Variants in NRG3 observed in about 807,000 individuals in gnomAD.
NRG3 encodes the protein neuregulin 3, also known as pro-neuregulin-3, membrane-bound isoform.
A neutral mutation model predicts 66.9 loss-of-function variants in NRG3; 31 were observed. That is an observed-to-expected ratio of 0.46 (90% CI 0.35 to 0.63). NRG3 has a LOEUF of 0.63. Among genes scored for constraint, NRG3 ranks in the 20% least tolerant of loss-of-function variants. The pLI is 0.00. For synonymous variants in NRG3, 393 were observed against 359.4 expected (o/e 1.09, Z -1.06); for missense variants, 910 against 878.9 (o/e 1.04, Z -0.45).
intron 3 of NRG3, among the ~76,000 whole-genome samples, chr10:82,769,407 A>C (rs1279115066): frequency 6.6e-6 from 1 of 152,104 alleles, no homozygotes; most frequent in Non-Finnish European, 1.5e-5. Context: ...TTTGTATTTT[A>C]ATGGATTCTG....
At chr10:82,393,698 C>A (rs1418412977) in intron 2 of NRG3, among the ~76,000 whole-genome samples, 1 of 152,124 alleles carries the variant, frequency 6.6e-6, no homozygotes. Flanking sequence ...CAAGAGTAGA[C>A]CTCTAGAGGA....
intron 4 of NRG3, among the ~76,000 whole-genome samples, chr10:82,935,533 C>A (rs529788245): frequency 6.6e-6 from 1 of 152,280 alleles, no homozygotes; most frequent in African/African-American, 2.4e-5. Context: ...ACATAAACAA[C>A]GCCCATGACT....
intron 1 of NRG3, among the ~76,000 whole-genome samples, chr10:82,116,024 C>A (rs1404082114): frequency 2.0e-5 from 3 of 152,082 alleles, no homozygotes; most frequent in Non-Finnish European, 4.4e-5. Context: ...TCAGCAGGCA[C>A]CTTTAACCAG....
intron 2 of NRG3, among the ~76,000 whole-genome samples, chr10:82,737,960 A>C (rs1443060047): frequency 1.3e-5 from 2 of 152,276 alleles, no homozygotes; most frequent in East Asian, 3.9e-4. Flanking sequence ...ATAAAAGAGA[A>C]AAATAGAGAG....
At chr10:82,066,657 G>T (rs1189375354) in intron 1 of NRG3, among the ~76,000 whole-genome samples, 1 of 152,122 alleles carries the variant, frequency 6.6e-6, no homozygotes, top group Non-Finnish European at 1.5e-5. Flanking sequence ...GTACTTACCT[G>T]AGTGATTCAC....
chr10:82,783,094 C>A (rs2060188590), intron 3 of NRG3, among the ~76,000 whole-genome samples: 1 of 152,150 alleles, frequency 6.6e-6, no homozygotes, highest in South Asian at 2.1e-4. Flanking sequence ...ATAAACAGAA[C>A]CAATGACAAA....
At chr10:82,049,515 C>T (rs1009376070) in intron 1 of NRG3, among the ~76,000 whole-genome samples, 9 of 152,088 alleles carry the variant, frequency 5.9e-5, no homozygotes, top group African/African-American at 2.2e-4. Context: ...CCAAAATTTT[C>T]TCTTAGCTCC....
intron 1 of NRG3, among the ~76,000 whole-genome samples, chr10:82,331,764 A>C (rs192100962): frequency 2.0e-5 from 3 of 152,326 alleles, no homozygotes; most frequent in Admixed American, 1.3e-4. Flanking sequence ...ATGGTTTTAC[A>C]TCAAGGGGAA....
At chr10:82,229,416 A>C (rs145647458) in intron 1 of NRG3, among the ~76,000 whole-genome samples, 2 of 152,354 alleles carry the variant, frequency 1.3e-5, no homozygotes, top group Non-Finnish European at 2.9e-5. Context: ...AGGAAGAAAT[A>C]TAGCAAGGAA....
intron 1 of NRG3, among the ~76,000 whole-genome samples, chr10:82,140,601 T>C (rs1469723043): frequency 1.3e-5 from 2 of 152,084 alleles, no homozygotes; most frequent in African/African-American, 4.8e-5. Context: ...GTGCAGTGAC[T>C]CACATCTTTA....
chr10:82,482,322 G>A (rs1842339836), intron 2 of NRG3, among the ~76,000 whole-genome samples: 1 of 152,172 alleles, frequency 6.6e-6, no homozygotes, highest in Non-Finnish European at 1.5e-5. Context: ...CCTGGAACAA[G>A]ATTTTTCATC....
chr10:82,890,130 T>C lies in NRG3; in HGVS notation c.1054+24693T>C, dbSNP rs1352709346. On this transcript the variant is annotated intron_variant, in intron 4 of 8. Transcript: ENST00000372141. ...GGGACTCTAGATGATCTGCTAAGTT[T>C]TTTTTTTTTTTTTTTAAGTAATGTA... Among the ~76,000 whole-genome samples, 3 of 72,482 alleles carry C rather than the reference T, an allele frequency of 4.1e-5. No individual in the cohort carries two copies. In the Admixed American group the frequency reaches 5.2e-4, roughly 13 times the overall value. 47.6% of individuals were successfully genotyped at this position (72,482 alleles called of 152,430 possible). A position where few individuals can be genotyped will look rare whatever the true frequency, so the allele number is the denominator to read the frequency against.
At chr10:82,710,896 G>C (rs1443426166) in intron 2 of NRG3, among the ~76,000 whole-genome samples, 1 of 151,892 alleles carries the variant, frequency 6.6e-6, no homozygotes, top group Admixed American at 6.6e-5. Context: ...GCTTTCTTTT[G>C]AACTTCGGTG....
intron 1 of NRG3, among the ~76,000 whole-genome samples, chr10:82,017,269 C>A (rs1589795760): frequency 6.6e-6 from 1 of 152,226 alleles, no homozygotes; most frequent in South Asian, 2.1e-4. Context: ...TGAACTCATC[C>A]TTTTTAATGG....
chr10:82,573,758 G>A (rs2133141751), intron 2 of NRG3, among the ~76,000 whole-genome samples: 1 of 151,884 alleles, frequency 6.6e-6, no homozygotes, highest in East Asian at 1.9e-4. Context: ...TGCTGCATGG[G>A]AAGTTTATGC....
chr10:82,774,554 CAT>C (rs1319935254), intron 3 of NRG3, among the ~76,000 whole-genome samples: 1 of 151,860 alleles, frequency 6.6e-6, no homozygotes, highest in East Asian at 1.9e-4. Context: ...AATATGTTAA[CAT>C]ATAATTGTTC....
intron 3 of NRG3, among the ~76,000 whole-genome samples, chr10:82,797,141 T>C (rs1406289607): frequency 2.6e-5 from 4 of 152,174 alleles, no homozygotes; most frequent in Non-Finnish European, 5.9e-5. Context: ...TCGACACTGT[T>C]GTTCTGAAAG....
chr10:82,429,941 G>A (rs1402080728), intron 2 of NRG3, among the ~76,000 whole-genome samples: 1 of 151,918 alleles, frequency 6.6e-6, no homozygotes, highest in Non-Finnish European at 1.5e-5. Flanking sequence ...TTCAATAATT[G>A]TACTGTTTTT....
intron 1 of NRG3, among the ~76,000 whole-genome samples, chr10:82,002,604 G>A (rs956672715): frequency 6.6e-6 from 1 of 152,148 alleles, no homozygotes; most frequent in Non-Finnish European, 1.5e-5. Flanking sequence ...CCTGAGGTCA[G>A]CAACTTGGAC....
Sources: allele counts gnomAD v4.1 joint callset (sites outside exome capture counted in the v4.1 genomes callset), GRCh38; gene constraint gnomAD v4.1.1; transcripts MANE v1.5; gene names NCBI Gene and HGNC (gene_info 2026-07-23, HGNC 2026-07-21).